XPO6: variants seen among roughly 807,000 people sequenced by gnomAD.
XPO6 encodes the protein exportin 6, also known as exportin-6.
Under a neutral mutation model 130.0 loss-of-function variants are expected in XPO6, and 3 were observed. The ratio of observed to expected loss-of-function variants is 0.02; its 90% CI spans 0.01 to 0.06. XPO6 has a LOEUF of 0.06. Ranked by LOEUF, XPO6 falls within the 10% of genes least tolerant of loss-of-function variation. The pLI, the probability that XPO6 is intolerant of heterozygous loss-of-function variation, is 1.00. For synonymous variants in XPO6, 524 were observed against 548.9 expected (o/e 0.95, Z 0.63); for missense variants, 970 against 1,393.0 (o/e 0.70, Z 4.83).
At chr16:28,182,388 C>CCAACA (rs1036865876) in intron 1 of XPO6, among the ~76,000 whole-genome samples, 5 of 152,158 alleles carry the variant, frequency 3.3e-5, no homozygotes, top group Non-Finnish European at 1.5e-5. Context: ...TGCACACCAA[C>CCAACA]CAACACACAC....
intron 6 of XPO6, among the ~76,000 whole-genome samples, chr16:28,158,038 G>C (rs1440365105): frequency 6.6e-6 from 1 of 152,214 alleles, no homozygotes; most frequent in Non-Finnish European, 1.5e-5. Context: ...GTGAGCAGAA[G>C]TAGAGGACTA....
intron 4 of XPO6, 38 bp from the exon 5 acceptor site, chr16:28,169,947 CTAA>C (rs1454203899): frequency 1.2e-6 from 2 of 1,608,798 alleles, no homozygotes; most frequent in African/African-American, 2.7e-5. Flanking sequence ...GAGTGTTGGA[CTAA>C]TAAAGTACAA....
chr16:28,181,099 T>C, intron 1 of XPO6, 68 bp from the exon 2 acceptor site: 1 of 1,225,304 alleles, frequency 8.2e-7, no homozygotes, highest in Admixed American at 2.1e-5. Context: ...CAGTTCCTTC[T>C]AGGTCACATT....
chr16:28,207,162 T>C (rs6498073), intron 1 of XPO6, among the ~76,000 whole-genome samples: 8,857 of 151,574 alleles, frequency 0.058, 656 homozygotes, highest in East Asian at 0.17. Context: ...GCAGGAGAAT[T>C]GCTTGAACCT....
At chr16:28,105,458 G>C (rs2086753771) in intron 20 of XPO6, among the ~76,000 whole-genome samples, 1 of 152,206 alleles carries the variant, frequency 6.6e-6, no homozygotes, top group Non-Finnish European at 1.5e-5. Context: ...ATCCACAGAA[G>C]AAGCCTCATA....
rs751127561 is a variant in XPO6 at position 28,104,571 on chromosome 16, T to C, written c.2921A>G (p.Glu974Gly). The C allele has an allele frequency of 6.2e-7, 1 of 1,614,198 alleles. No individual in the cohort carries two copies. Among genetic ancestry groups the C allele is most frequent in the East Asian group, 2.2e-5 (1 of 44,888 alleles). The change falls in exon 21 of 24, where the codon GAG becomes GGG. Residue 974 changes from glutamate to glycine, a missense_variant. Physicochemically the swap from Glu to Gly is moderately conservative, Grantham distance 98 (BLOSUM62 -2). This residue lies in a region of XPO6 where 936 missense variants were observed against 1,306.8 expected (regional missense o/e 0.72). Transcript: ENST00000304658. ...CTGCATGATGGCACTGAACTGGGGC[T>C]CATTCTCCATCTGCTCCTCAGCGAT... The part of the protein sequence containing the change: ...RGIAEEQMEN[E>G]PQFSAIMQAF...
At chr16:28,114,014 T>C (rs111609866) in intron 15 of XPO6, among the ~76,000 whole-genome samples, 210 of 152,254 alleles carry the variant, frequency 1.4e-3, no homozygotes, top group African/African-American at 4.5e-3. Context: ...TAAACACATA[T>C]ATGCTCTAGT....
At chr16:28,145,977 TA>T (rs1399249583) in intron 9 of XPO6, 116 bp downstream of exon 9, 8 of 698,648 alleles carry the variant, frequency 1.1e-5, no homozygotes, top group Non-Finnish European at 2.0e-5. Flanking sequence ...CATTATTGCC[TA>T]AACAGCTTAC....
intron 8 of XPO6, among the ~76,000 whole-genome samples, chr16:28,149,561 A>G (rs2043048965): frequency 6.6e-6 from 1 of 152,082 alleles, no homozygotes; most frequent in Admixed American, 6.5e-5. Context: ...ACAAATCCCT[A>G]CCCTTGTGTT....
intron 9 of XPO6, among the ~76,000 whole-genome samples, chr16:28,143,928 C>T (rs1267559152): frequency 6.6e-6 from 1 of 152,242 alleles, no homozygotes; most frequent in African/African-American, 2.4e-5. Context: ...AGCCACCGCA[C>T]TCGGCCTTGT....
Position 28,104,649 on chromosome 16 carries a change from T to C in XPO6, c.2843A>G (p.His948Arg). Residue 948 changes from histidine to arginine, a missense_variant, in exon 21 of 24, where the codon CAC (histidine) becomes CGC (arginine). Around this residue, in one of 4 missense-constraint regions of XPO6, gnomAD observed 936 missense variants for 1,306.8 expected, o/e 0.72. Coordinates refer to ENST00000304658, the MANE Select transcript of XPO6 (RefSeq NM_015171.4). ...LFELLFRTLH[H>R]NWRYFFKSTV... is the part of the protein sequence containing the mutation. The stretch of plus-strand genomic sequence containing the variant: ...GGACTTGAAGAAGTACCTCCAGTTG[T>C]GATGGAGCGTCCGGAAAAGGAGCTC... 3 of 1,614,204 alleles carry C rather than the reference T, an allele frequency of 1.9e-6. No individual in the cohort carries two copies. The highest frequency in any genetic ancestry group is 2.5e-6 in the Non-Finnish European group (3 of 1,180,042).
intron 5 of XPO6, among the ~76,000 whole-genome samples, chr16:28,167,554 A>G (rs1008101741): frequency 2.0e-5 from 3 of 152,098 alleles, no homozygotes; most frequent in Non-Finnish European, 4.4e-5. Context: ...TCAAAATTCC[A>G]TTCAGCTGTC....
intron 1 of XPO6, among the ~76,000 whole-genome samples, chr16:28,208,722 A>G (rs1209539613): frequency 6.6e-6 from 1 of 152,194 alleles, no homozygotes; most frequent in Non-Finnish European, 1.5e-5. Flanking sequence ...CCTCAATACA[A>G]GGGTGCTGGG....
chr16:28,107,528 G>T lies in XPO6; in HGVS notation c.2491C>A (p.Gln831Lys), dbSNP rs750531600. 3.1e-6 allele frequency: 5 copies of T among 1,614,174 alleles called. No homozygotes were observed. In the East Asian group the frequency reaches 8.9e-5, roughly 29 times the overall value. ...SLALFPAFIH[Q>K]SDVTDEMLSF... ...CCTCTGGGCCAGCTCCTACCTGACT[G>T]ATGGATAAAAGCTGGAAAGAGGGCC... is the stretch of plus-strand genomic sequence containing the variant. The change falls in exon 18 of 24, where the codon CAG (glutamine) becomes AAG (lysine). Residue 831 changes from glutamine (Q) to lysine (K), a missense_variant. Transcript: ENST00000304658.
At chr16:28,151,944 C>T (rs1308655397) in intron 8 of XPO6, among the ~76,000 whole-genome samples, 1 of 152,274 alleles carries the variant, frequency 6.6e-6, no homozygotes, top group East Asian at 1.9e-4. Flanking sequence ...TAAAATTGTA[C>T]TGTGGTGATG....
chr16:28,204,685 C>T (rs2044001559), intron 1 of XPO6, among the ~76,000 whole-genome samples: 2 of 152,032 alleles, frequency 1.3e-5, no homozygotes. Context: ...CTAGAGTGTT[C>T]CGGCTATGAG....
chr16:28,155,061 T>C (rs1384751823), intron 7 of XPO6, among the ~76,000 whole-genome samples: 1 of 152,234 alleles, frequency 6.6e-6, no homozygotes, highest in Non-Finnish European at 1.5e-5. Context: ...GTACCAATTT[T>C]TTAATTTTAG....
In XPO6 at chr16:28,124,058, C is replaced by CTT. The variant is rs5816463; in HGVS notation, c.1766+1629_1766+1630dup. The stretch of plus-strand genomic sequence containing the variant: ...AAGTTGAGATGACTGACAGATATAC[C>CTT]TTTTTTTTTTTTTTTTGAGACGGAG... On this transcript the variant is annotated intron_variant, in intron 13 of 23. Transcript: ENST00000304658. Among the ~76,000 whole-genome samples the CTT allele has an allele frequency of 3.7e-3, 517 of 138,262 alleles. 4 individuals are homozygous for CTT. The highest frequency in any genetic ancestry group is 0.011 in the Middle Eastern group (3 of 268). 90.7% of individuals were successfully genotyped at this position (138,262 alleles called of 152,430 possible). A position where few individuals can be genotyped will look rare whatever the true frequency, so the allele number is the denominator to read the frequency against.
At chr16:28,118,079 C>T (rs900102411) in intron 14 of XPO6, among the ~76,000 whole-genome samples, 1 of 152,194 alleles carries the variant, frequency 6.6e-6, no homozygotes, top group Non-Finnish European at 1.5e-5. Context: ...ACAGTTGTCT[C>T]GGAGCTTCAA....
Sources: gnomAD v4.1 joint callset for allele counts (sites outside exome capture counted in the v4.1 genomes callset) on GRCh38, gnomAD v4.1.1 for gene constraint, gnomAD v4.1.1 regional missense constraint, MANE v1.5 for transcripts, NCBI Gene and HGNC (gene_info 2026-07-23, HGNC 2026-07-21) for gene names.